The following TMEM163 variants were observed in gnomAD, a reference collection of about 807,000 sequenced individuals.
The protein encoded by TMEM163 is transmembrane protein 163.
TMEM163 carries 17 observed loss-of-function variants against 29.3 expected under a neutral mutation model. That is an observed-to-expected ratio of 0.58 (90% CI 0.40 to 0.87). TMEM163 has a LOEUF of 0.87. Among genes scored for constraint, TMEM163 ranks in the 40% least tolerant of loss-of-function variants. The probability of loss-of-function intolerance (pLI) is 0.00; values close to 1 mark genes in which losing one functional copy is unlikely to be tolerated. For synonymous variants in TMEM163, 157 were observed against 160.6 expected (o/e 0.98, Z 0.17); for missense variants, 303 against 381.5 (o/e 0.79, Z 1.71).
At chr2:134,500,280 G>A (rs1280978515) in intron 5 of TMEM163, among the ~76,000 whole-genome samples, 1 of 152,214 alleles carries the variant, frequency 6.6e-6, no homozygotes. Context: ...CAGAGGTCAG[G>A]GGCCTGGCTG....
rs531432277 is a variant in TMEM163 at position 134,605,432 on chromosome 2, G to C, written c.323-53341C>G. On this transcript the variant is annotated intron_variant, in intron 2 of 7. Transcript: ENST00000281924. ...TAAAAGAAATATTTGGGCCAGGCAG[G>C]GTAGCCTGTAATATCAGCACTTTAG... Among the ~76,000 whole-genome samples, 583 of 152,082 alleles carry C rather than the reference G, an allele frequency of 3.8e-3. 7 individuals carry two copies. The highest frequency in any genetic ancestry group is 0.013 in the African/African-American group (550 of 41,512).
rs908028033 is a variant in TMEM163 at position 134,601,791 on chromosome 2, C to T, written c.323-49700G>A. ...ACGCATAATAAATAAACATATGGTACATCCAAAAGTGGTAAGAGCTATGAA... is the reference window on the plus strand; with the variant it reads ...ACGCATAATAAATAAACATATGGTATATCCAAAAGTGGTAAGAGCTATGAA... On this transcript the variant is annotated intron_variant, in intron 2 of 7. Coordinates refer to ENST00000281924, the MANE Select transcript of TMEM163 (RefSeq NM_030923.5). Among the ~76,000 whole-genome samples, 4 of 152,062 alleles carry T rather than the reference C, an allele frequency of 2.6e-5. No homozygotes were observed. The East Asian group carries it at 7.7e-4, about 29-fold the overall frequency.
intron 5 of TMEM163, among the ~76,000 whole-genome samples, chr2:134,493,078 C>G (rs1679464622): frequency 6.6e-6 from 1 of 152,076 alleles, no homozygotes; most frequent in African/African-American, 2.4e-5. Context: ...TTGTTATCCC[C>G]CAATGACTAG....
At chr2:134,457,623 C>T (rs911241954) in intron 7 of TMEM163, among the ~76,000 whole-genome samples, 22 of 152,252 alleles carry the variant, frequency 1.4e-4, no homozygotes, top group African/African-American at 5.3e-4. Flanking sequence ...GCTAGGGATG[C>T]GGCCTCTGGC....
At chr2:134,520,808 A>G (rs1680174634) in intron 4 of TMEM163, among the ~76,000 whole-genome samples, 1 of 152,242 alleles carries the variant, frequency 6.6e-6, no homozygotes, top group Non-Finnish European at 1.5e-5. Context: ...AAAGGGGATC[A>G]TGACAGGGTA....
intron 2 of TMEM163, among the ~76,000 whole-genome samples, chr2:134,620,143 A>G (rs189728926): frequency 6.6e-6 from 1 of 152,338 alleles, no homozygotes; most frequent in Admixed American, 6.5e-5. Flanking sequence ...ATTTATTTTT[A>G]TAGAAACTGA....
intron 2 of TMEM163, among the ~76,000 whole-genome samples, chr2:134,564,879 C>G (rs1168149009): frequency 6.6e-6 from 1 of 152,226 alleles, no homozygotes; most frequent in Admixed American, 6.5e-5. Flanking sequence ...CAACTGAACT[C>G]TTGAACTGCT....
intron 2 of TMEM163, among the ~76,000 whole-genome samples, chr2:134,674,808 T>C (rs1684080049): frequency 6.6e-6 from 1 of 152,156 alleles, no homozygotes; most frequent in African/African-American, 2.4e-5. Context: ...CAACCTTACA[T>C]TAAAAATACC....
At chr2:134,463,007 A>G (rs1048948535) in intron 6 of TMEM163, among the ~76,000 whole-genome samples, 2 of 152,162 alleles carry the variant, frequency 1.3e-5, no homozygotes, top group Admixed American at 1.3e-4. Context: ...CTGCCTGGGA[A>G]CCAGCCGAGG....
intron 4 of TMEM163, among the ~76,000 whole-genome samples, chr2:134,541,234 A>C (rs1020467646): frequency 6.6e-6 from 1 of 152,238 alleles, no homozygotes. Flanking sequence ...AAGAAATGCA[A>C]ATGCTCCCAA....
chr2:134,618,962 T>C (rs950529610), intron 2 of TMEM163, among the ~76,000 whole-genome samples: 12 of 152,144 alleles, frequency 7.9e-5, no homozygotes, highest in African/African-American at 2.9e-4. Context: ...CAGGATGGAA[T>C]AGTAAGTGAA....
intron 5 of TMEM163, among the ~76,000 whole-genome samples, chr2:134,490,493 TAGAGAAA>T (rs1177792344): frequency 3.9e-5 from 6 of 152,300 alleles, no homozygotes; most frequent in Admixed American, 3.3e-4. Context: ...GAAAGTTCTT[TAGAGAAA>T]AGATCCTGTG....
chr2:134,463,193 C>T (rs1686589993), intron 6 of TMEM163, among the ~76,000 whole-genome samples: 1 of 152,200 alleles, frequency 6.6e-6, no homozygotes, highest in South Asian at 2.1e-4. Context: ...CTCTGCATCC[C>T]TACAGGGCTG....
intron 2 of TMEM163, among the ~76,000 whole-genome samples, chr2:134,636,521 C>T (rs1023041888): frequency 6.6e-6 from 1 of 152,204 alleles, no homozygotes; most frequent in Admixed American, 6.5e-5. Context: ...AACCTCCAAG[C>T]TGTCCTTGTT....
At chr2:134,633,686 A>T (rs983983266) in intron 2 of TMEM163, among the ~76,000 whole-genome samples, 1 of 151,962 alleles carries the variant, frequency 6.6e-6, no homozygotes, top group Non-Finnish European at 1.5e-5. Context: ...TTTAGGCCAC[A>T]TGTGGTGGCT....
At position 134,718,907 on chromosome 2, in the gene TMEM163, C is replaced by T. The variant is rs1265472698; in HGVS notation, c.29G>A (p.Arg10His). 2 of 1,077,800 alleles carry T rather than the reference C, an allele frequency of 1.9e-6. No homozygotes were observed. The highest frequency in any genetic ancestry group is 6.4e-5 in the East Asian group (1 of 15,534). 66.8% of individuals were successfully genotyped at this position (1,077,800 alleles called of 1,614,324 possible). A position where few individuals can be genotyped will look rare whatever the true frequency, so the allele number is the denominator to read the frequency against. ...CGGGACGGTGGGCCCCTGGGAGCTG[C>T]GGCGCTGGATGCCCGCGGCCGGCTC... MEPAAGIQR[R>H]SSQGPTVPPP... Residue 10 changes from arginine to histidine, a missense_variant, in exon 1 of 8, where the codon CGC becomes CAC. Around this residue, in one of 2 missense-constraint regions of TMEM163, gnomAD observed 100 missense variants for 87.2 expected, o/e 1.15. Transcript: ENST00000281924.
At chr2:134,598,917 T>C (rs1417844011) in intron 2 of TMEM163, among the ~76,000 whole-genome samples, 1 of 93,710 alleles carries the variant, frequency 1.1e-5, no homozygotes, top group Non-Finnish European at 2.2e-5. Context: ...TGAGACTCTA[T>C]CTCAAAAAAA....
rs186435605 is a variant in TMEM163 at position 134,474,836 on chromosome 2, C to T, written c.556-8611G>A. Among the ~76,000 whole-genome samples, 292 of 152,138 alleles carry T rather than the reference C, an allele frequency of 1.9e-3. 2 individuals are homozygous for T. The highest frequency in any genetic ancestry group is 6.2e-3 in the African/African-American group (258 of 41,514). On this transcript the variant is annotated intron_variant, in intron 5 of 7. Transcript: ENST00000281924. ...GTGCACTGAAAACTACAAAATATTA[C>T]GGAGATAAATTAAAAGATTTTAGTA... is the stretch of plus-strand genomic sequence containing the variant.
intron 4 of TMEM163, among the ~76,000 whole-genome samples, chr2:134,534,673 G>C (rs1040963901): frequency 2.0e-5 from 3 of 152,092 alleles, no homozygotes; most frequent in African/African-American, 7.2e-5. Context: ...AGAATCGCTT[G>C]AACCCGGGAA....
Sources: gnomAD v4.1 joint callset for allele counts (sites outside exome capture counted in the v4.1 genomes callset) on GRCh38, gnomAD v4.1.1 for gene constraint, gnomAD v4.1.1 regional missense constraint, MANE v1.5 for transcripts, NCBI Gene and HGNC (gene_info 2026-07-23, HGNC 2026-07-21) for gene names.